The following CACNA2D1 variants were observed in gnomAD, a reference collection of about 807,000 sequenced individuals.
CACNA2D1 encodes voltage-dependent calcium channel subunit alpha-2/delta-1.
CACNA2D1 carries 53 observed loss-of-function variants against 171.5 expected under a neutral mutation model. That is an observed-to-expected ratio of 0.31 (90% CI 0.25 to 0.39). The LOEUF (loss-of-function observed/expected upper bound fraction) is 0.39. Ranked by LOEUF, CACNA2D1 falls within the 10% of genes least tolerant of loss-of-function variation. CACNA2D1 has a pLI of 1.00. For missense variants in CACNA2D1, 903 were observed against 1,299.8 expected, an observed-to-expected ratio of 0.69 and a Z score of 4.69; for synonymous variants, 442 against 443.1, an observed-to-expected ratio of 1.00 and a Z score of 0.03.
At chr7:82,248,551 C>A (rs1413758287) in intron 3 of CACNA2D1, among the ~76,000 whole-genome samples, 1 of 152,118 alleles carries the variant, frequency 6.6e-6, no homozygotes, top group Non-Finnish European at 1.5e-5. Flanking sequence ...CTTTGAAGAA[C>A]AAAGTGATTT....
intron 1 of CACNA2D1, among the ~76,000 whole-genome samples, chr7:82,376,924 AT>A (rs1222060617): frequency 1.3e-5 from 2 of 152,232 alleles, no homozygotes; most frequent in Non-Finnish European, 2.9e-5. Flanking sequence ...CCACTTGAAG[AT>A]TGTTTTCCAC....
chr7:82,334,739 G>A (rs2129444278), intron 3 of CACNA2D1, among the ~76,000 whole-genome samples: 1 of 152,162 alleles, frequency 6.6e-6, no homozygotes, highest in Admixed American at 6.5e-5. Flanking sequence ...AGAGAGGAAG[G>A]GTGATGGAAT....
intron 3 of CACNA2D1, among the ~76,000 whole-genome samples, chr7:82,317,653 C>T (rs1197051375): frequency 1.3e-5 from 2 of 151,972 alleles, no homozygotes; most frequent in African/African-American, 4.8e-5. Flanking sequence ...TGTGAAATGT[C>T]AACTAAGGAC....
intron 4 of CACNA2D1, among the ~76,000 whole-genome samples, chr7:82,142,420 C>T (rs1278893526): frequency 2.0e-5 from 3 of 152,250 alleles, no homozygotes; most frequent in East Asian, 1.9e-4. Context: ...TTGTGAGTGA[C>T]AGCCCCTTGC....
At chr7:82,356,434 C>A (rs1234622237) in intron 1 of CACNA2D1, among the ~76,000 whole-genome samples, 13 of 152,114 alleles carry the variant, frequency 8.5e-5, no homozygotes, top group Admixed American at 8.5e-4. Context: ...CCTTTCACAA[C>A]TTCCCAAACT....
At position 81,971,173 on chromosome 7, in the gene CACNA2D1, T is replaced by G. The variant is rs1180825773; in HGVS notation, c.2142-436A>C. ...GATTTTGAATTCCATCTTAGAGAGC[T>G]TCACCTGTATCTTGAACTTAGAACT... On this transcript the variant is annotated intron_variant, in intron 26 of 38. Coordinates refer to ENST00000356860, the MANE Select transcript of CACNA2D1 (RefSeq NM_000722.4). 5.9e-5 allele frequency: 12 copies of G among 202,410 alleles called. No individual in the cohort carries two copies. In the East Asian group the frequency reaches 1.3e-3, roughly 22 times the overall value. 12.5% of individuals were successfully genotyped at this position (202,410 alleles called of 1,614,324 possible).
chr7:82,262,014 A>G (rs1268553388), intron 3 of CACNA2D1, among the ~76,000 whole-genome samples: 1 of 152,206 alleles, frequency 6.6e-6, no homozygotes, highest in Non-Finnish European at 1.5e-5. Flanking sequence ...ACTTATATGC[A>G]ACCTCTGGAA....
intron 1 of CACNA2D1, among the ~76,000 whole-genome samples, chr7:82,398,339 C>A (rs796463997): frequency 1.8e-4 from 28 of 152,286 alleles, no homozygotes; most frequent in African/African-American, 5.8e-4. Context: ...AAACATCATT[C>A]CATTCAGGAA....
At chr7:82,380,773 C>T (rs1012119501) in intron 1 of CACNA2D1, among the ~76,000 whole-genome samples, 8 of 152,000 alleles carry the variant, frequency 5.3e-5, no homozygotes, top group East Asian at 2.0e-4. Flanking sequence ...CGGCTCACTG[C>T]GACCTCCGCC....
At chr7:82,301,413 C>T (rs936869693) in intron 3 of CACNA2D1, among the ~76,000 whole-genome samples, 5 of 152,130 alleles carry the variant, frequency 3.3e-5, no homozygotes, top group African/African-American at 1.2e-4. Flanking sequence ...GCGTGAGCCA[C>T]CGTGCCCAGC....
rs1382313897 is a variant in CACNA2D1, at chr7:81,971,857, C to T, written c.2061G>A (p.Ala687=). 5.6e-6 allele frequency: 9 copies of T among 1,598,104 alleles called. No homozygotes were observed. The East Asian group carries it at 9.0e-5, about 16-fold the overall frequency. The change falls in exon 26 of 39, where the codon GCG becomes GCA. Residue 687 remains alanine, a synonymous_variant. Coordinates refer to ENST00000356860, the MANE Select transcript of CACNA2D1 (RefSeq NM_000722.4). ...RKTPNNPSCN[A]DLINRVLLDA... is the part of the protein sequence containing the mutation. ...CAAGCAAGACTCTATTAATCAAATC[C>T]GCGTTACCTAACACAGAAAAAGATC...
chr7:82,058,236 T>C (rs1020012474), intron 10 of CACNA2D1, among the ~76,000 whole-genome samples: 1 of 152,306 alleles, frequency 6.6e-6, no homozygotes, highest in African/African-American at 2.4e-5. Flanking sequence ...CTTCTTTAAG[T>C]AGTAGTGTTT....
At chr7:82,028,302 G>A (rs1303350015) in intron 12 of CACNA2D1, 1 of 151,702 alleles carries the variant, frequency 6.6e-6, no homozygotes. Flanking sequence ...ATGGTTTACT[G>A]AATATTTTGA....
At position 82,240,973 on chromosome 7, in the gene CACNA2D1, A is replaced by T. The variant is rs1056262910; in HGVS notation, c.295-70364T>A. ...CAGAGCAAGACTCCATCTCAAAAAA[A>T]AAAAAGCAACTTTAAGGTCTTACTT... On this transcript the variant is annotated intron_variant, in intron 3 of 38. Coordinates refer to ENST00000356860, the MANE Select transcript of CACNA2D1 (RefSeq NM_000722.4). Among the ~76,000 whole-genome samples, 42 of 152,162 alleles carry T rather than the reference A, an allele frequency of 2.8e-4. 1 individual carries two copies. The highest frequency in any genetic ancestry group is 8.7e-4 in the African/African-American group (36 of 41,436).
intron 1 of CACNA2D1, among the ~76,000 whole-genome samples, chr7:82,427,481 A>C (rs192158942): frequency 1.3e-5 from 2 of 152,360 alleles, no homozygotes; most frequent in African/African-American, 4.8e-5. Context: ...TTACGAAGGT[A>C]GGTCTTACAT....
intron 3 of CACNA2D1, among the ~76,000 whole-genome samples, chr7:82,284,013 G>T (rs1810451915): frequency 6.6e-6 from 1 of 151,870 alleles, no homozygotes; most frequent in African/African-American, 2.4e-5. Flanking sequence ...GAGATGGTCT[G>T]TTTAAGCAAA....
At chr7:82,006,772 A>C (rs1262538205) in intron 16 of CACNA2D1, among the ~76,000 whole-genome samples, 1 of 152,134 alleles carries the variant, frequency 6.6e-6, no homozygotes, top group Non-Finnish European at 1.5e-5. Context: ...ACCTGCAGAT[A>C]GTTAAGAATG....
In CACNA2D1 at chr7:82,084,751, G is replaced by T. The variant is rs1322441006; in HGVS notation, c.658+18C>A. ...TTGAGGCTGGAACTTGACAATGATT[G>T]AATCACTAAGCACCTACCTGGATAA... On this transcript the variant is annotated intron_variant, in intron 7 of 38. Coordinates refer to ENST00000356860, the MANE Select transcript of CACNA2D1 (RefSeq NM_000722.4). 1.9e-6 allele frequency: 3 copies of T among 1,613,666 alleles called. No individual in the cohort carries two copies. In the African/African-American group the frequency reaches 4.0e-5, roughly 22 times the overall value.
At position 82,443,463 on chromosome 7, in the gene CACNA2D1, C is replaced by A. The variant is rs1005356310; in HGVS notation, c.-4G>T. On this transcript the variant is annotated 5_prime_UTR_variant, in exon 1 of 39. Transcript: ENST00000356860. ...CCAGCAGGCAGCCAGCAGCCATCTT[C>A]GCGATCGAAGATCAATGCCCCCTCC... 5.0e-6 allele frequency: 8 copies of A among 1,607,102 alleles called. No homozygotes were observed. In the African/African-American group the frequency reaches 8.1e-5, roughly 16 times the overall value.
Sources: allele counts gnomAD v4.1 joint callset (sites outside exome capture counted in the v4.1 genomes callset), GRCh38; gene constraint gnomAD v4.1.1; transcripts MANE v1.5; gene names NCBI Gene and HGNC (gene_info 2026-07-23, HGNC 2026-07-21).